NECAB2: variants seen among roughly 807,000 people sequenced by gnomAD.
The protein encoded by NECAB2 is N-terminal EF-hand calcium binding protein 2, also known as N-terminal EF-hand calcium-binding protein 2.
In NECAB2, 68 loss-of-function variants were observed where a neutral mutation model predicts 51.9. That is an observed-to-expected ratio of 1.31 (90% CI 1.08 to 1.60). The LOEUF (loss-of-function observed/expected upper bound fraction) is 1.60. Among genes scored for constraint, NECAB2 ranks in the 40% most tolerant of loss-of-function variants. NECAB2 has a pLI of 0.00. For missense variants in NECAB2, 854 were observed against 490.3 expected, an observed-to-expected ratio of 1.74 and a Z score of -7.00; for synonymous variants, 329 against 203.5, an observed-to-expected ratio of 1.62 and a Z score of -5.25.
chr16:83,976,123 A>G (rs561067344), intron 2 of NECAB2, among the ~76,000 whole-genome samples: 1 of 152,142 alleles, frequency 6.6e-6, no homozygotes, highest in Non-Finnish European at 1.5e-5. Context: ...TGAGCCAGCC[A>G]GAGGGAGGCT....
At chr16:83,974,653 G>T (rs566361680) in intron 2 of NECAB2, among the ~76,000 whole-genome samples, 1 of 152,298 alleles carries the variant, frequency 6.6e-6, no homozygotes, top group South Asian at 2.1e-4. Flanking sequence ...CTCGGAGATG[G>T]CACGTGATAT....
intron 3 of NECAB2, among the ~76,000 whole-genome samples, chr16:83,979,739 A>G (rs1314806548): frequency 1.5e-5 from 2 of 136,974 alleles, no homozygotes; most frequent in Admixed American, 1.5e-4. Context: ...GAACTGTGAG[A>G]GTACGTGTGG....
At chr16:83,981,345 G>A (rs925076778) in intron 5 of NECAB2, among the ~76,000 whole-genome samples, 2 of 152,060 alleles carry the variant, frequency 1.3e-5, no homozygotes, top group African/African-American at 2.4e-5. Flanking sequence ...GCATTTTCCC[G>A]GAATCAGGCC....
At chr16:84,000,288 G>A (rs774434242) in intron 10 of NECAB2, among the ~76,000 whole-genome samples, 3 of 150,570 alleles carry the variant, frequency 2.0e-5, no homozygotes, top group Admixed American at 6.6e-5. Context: ...CTGGCACTTT[G>A]GGAAGCCAAG....
chr16:83,993,664 GTGTGTC>G, intron 6 of NECAB2: 1 of 157,790 alleles, frequency 6.3e-6, no homozygotes, highest in Non-Finnish European at 1.3e-5. Flanking sequence ...GTGTGTGTGT[GTGTGTC>G]TGCCTCTGCC....
chr16:83,971,823 T>G, intron 1 of NECAB2: 1 of 493,586 alleles, frequency 2.0e-6, no homozygotes, highest in Non-Finnish European at 3.6e-6. Context: ...CGTTTGGCGG[T>G]GGGTGAAGCC....
At chr16:83,987,830 A>G (rs564191584) in intron 5 of NECAB2, among the ~76,000 whole-genome samples, 2 of 152,346 alleles carry the variant, frequency 1.3e-5, no homozygotes, top group South Asian at 4.1e-4. Context: ...GGGTTAAAGA[A>G]TCTGAGCAGT....
At position 83,977,911 on chromosome 16, in the gene NECAB2, G is replaced by A. The variant is rs140425799; in HGVS notation, c.227-533G>A. Among the ~76,000 whole-genome samples, 464 of 152,308 alleles carry A rather than the reference G, an allele frequency of 3.0e-3. 3 individuals are homozygous for A. Among genetic ancestry groups the A allele is most frequent in the Middle Eastern group, 0.017 (5 of 294 alleles). ...TGGGAGCATGCAGAGACCACTTGGC[G>A]TTTGGAAGCTATGGAGTGGTGGCTC... On this transcript the variant is annotated intron_variant, in intron 2 of 12. Coordinates refer to ENST00000305202, the MANE Select transcript of NECAB2 (RefSeq NM_019065.3).
intron 5 of NECAB2, among the ~76,000 whole-genome samples, chr16:83,986,258 C>G (rs1202865583): frequency 6.6e-6 from 1 of 152,158 alleles, no homozygotes; most frequent in African/African-American, 2.4e-5. Flanking sequence ...GTCAGGTGTT[C>G]CACCCGCCTC....
At chr16:83,999,718 T>G (rs1472993) in intron 10 of NECAB2, among the ~76,000 whole-genome samples, 8,601 of 151,992 alleles carry the variant, frequency 0.057, 236 homozygotes, top group East Asian at 0.11. Flanking sequence ...CATAGAGCAA[T>G]GGGGGACTTG....
At chr16:83,984,596 G>T (rs1380541834) in intron 5 of NECAB2, among the ~76,000 whole-genome samples, 1 of 152,010 alleles carries the variant, frequency 6.6e-6, no homozygotes, top group Admixed American at 6.6e-5. Flanking sequence ...CGAGCATGGT[G>T]GGATGTGTCT....
chr16:83,972,902 T>G (rs986713432), intron 2 of NECAB2, among the ~76,000 whole-genome samples: 1 of 152,116 alleles, frequency 6.6e-6, no homozygotes, highest in Admixed American at 6.6e-5. Flanking sequence ...AGCACCTTCT[T>G]AAAAATACCA....
chr16:83,972,987 T>A (rs1454513438), intron 2 of NECAB2, among the ~76,000 whole-genome samples: 1 of 152,236 alleles, frequency 6.6e-6, no homozygotes, highest in African/African-American at 2.4e-5. Flanking sequence ...GGCCTTGGTT[T>A]TCCCGTGGGT....
At chr16:83,986,289 G>C (rs1045753289) in intron 5 of NECAB2, among the ~76,000 whole-genome samples, 1 of 152,116 alleles carries the variant, frequency 6.6e-6, no homozygotes, top group Non-Finnish European at 1.5e-5. Context: ...AGTGCTGGGA[G>C]TACAGGCATG....
chr16:83,994,136 T>C (rs948985016), intron 6 of NECAB2, among the ~76,000 whole-genome samples, 166 bp from the exon 7 acceptor site: 1 of 152,228 alleles, frequency 6.6e-6, no homozygotes, highest in Non-Finnish European at 1.5e-5. Context: ...AGTCACCTGC[T>C]TTAAGAACCT....
At chr16:83,986,379 T>C (rs1232132559) in intron 5 of NECAB2, among the ~76,000 whole-genome samples, 1 of 152,178 alleles carries the variant, frequency 6.6e-6, no homozygotes, top group Non-Finnish European at 1.5e-5. Flanking sequence ...CAAAGGAGAA[T>C]TGAAAGAACT....
chr16:83,965,473 G>A (rs143431711), upstream of NECAB2: 34 of 1,606,038 alleles, frequency 2.1e-5, no homozygotes, highest in African/African-American at 9.3e-5. Flanking sequence ...CGGCCGACGC[G>A]GTCCTCTACG....
At chr16:83,999,213 C>T (rs529326326) in intron 10 of NECAB2, among the ~76,000 whole-genome samples, 15 of 152,110 alleles carry the variant, frequency 9.9e-5, no homozygotes, top group South Asian at 2.1e-4. Flanking sequence ...GGAGTGCGGC[C>T]GTTCCCGAGA....
intron 10 of NECAB2, among the ~76,000 whole-genome samples, 175 bp downstream of exon 10, chr16:83,998,492 G>C (rs1277555130): frequency 6.6e-6 from 1 of 152,178 alleles, no homozygotes; most frequent in Non-Finnish European, 1.5e-5. Context: ...TCCCAGCCAA[G>C]CAAATGTGGC....
Sources: allele counts gnomAD v4.1 joint callset (sites outside exome capture counted in the v4.1 genomes callset), GRCh38; gene constraint gnomAD v4.1.1; transcripts MANE v1.5; gene names NCBI Gene and HGNC (gene_info 2026-07-23, HGNC 2026-07-21).